The following HIP1 variants were observed in gnomAD, a reference collection of about 807,000 sequenced individuals.
HIP1 encodes huntingtin interacting protein 1.
In HIP1, 65 loss-of-function variants were observed where a neutral mutation model predicts 147.6. That is an observed-to-expected ratio of 0.44 (90% CI 0.36 to 0.54). HIP1 has a LOEUF of 0.54. Among genes scored for constraint, HIP1 ranks in the 20% least tolerant of loss-of-function variants. The probability of loss-of-function intolerance (pLI) is 0.00; values close to 1 mark genes in which losing one functional copy is unlikely to be tolerated. For missense variants in HIP1, 1,061 were observed against 1,299.6 expected (o/e 0.82, Z 2.82); for synonymous variants, 479 against 504.0 (o/e 0.95, Z 0.67).
At chr7:75,601,125 T>C (rs1167826747) in intron 1 of HIP1, among the ~76,000 whole-genome samples, 1 of 152,140 alleles carries the variant, frequency 6.6e-6, no homozygotes, top group Non-Finnish European at 1.5e-5. Flanking sequence ...GTTTGTTTTT[T>C]TTTTAAACAG....
intron 1 of HIP1, among the ~76,000 whole-genome samples, chr7:75,669,619 T>C (rs557221783): frequency 1.3e-5 from 2 of 152,208 alleles, no homozygotes; most frequent in Admixed American, 1.3e-4. Context: ...TCACTCTGTA[T>C]TCATCCTTCC....
chr7:75,556,975 C>T (rs1485772178), intron 16 of HIP1, among the ~76,000 whole-genome samples, 164 bp from the exon 17 acceptor site: 1 of 151,938 alleles, frequency 6.6e-6, no homozygotes, highest in African/African-American at 2.4e-5. Flanking sequence ...GAGGCAAGAC[C>T]CCAGAGTGTA....
intron 1 of HIP1, among the ~76,000 whole-genome samples, chr7:75,606,043 C>G (rs587652064): frequency 1.3e-5 from 2 of 152,068 alleles, no homozygotes; most frequent in South Asian, 4.2e-4. Flanking sequence ...GAGACGGGGT[C>G]TCATTATGTT....
At chr7:75,541,497 C>A (rs1350361886) in intron 29 of HIP1, among the ~76,000 whole-genome samples, 1 of 151,046 alleles carries the variant, frequency 6.6e-6, no homozygotes. Context: ...CACCACTGCA[C>A]TCCAGCCTGG....
intron 1 of HIP1, among the ~76,000 whole-genome samples, chr7:75,672,618 A>T (rs1422864575): frequency 6.6e-6 from 1 of 152,064 alleles, no homozygotes; most frequent in Non-Finnish European, 1.5e-5. Context: ...GTGAGCTACC[A>T]TACTTGGTCC....
intron 1 of HIP1, among the ~76,000 whole-genome samples, chr7:75,669,768 T>C (rs4731472): frequency 0.7 from 106,250 of 152,082 alleles, 37,451 homozygotes; most frequent in African/African-American, 0.78. Flanking sequence ...TTTCAATGTT[T>C]AAGCATGTTG....
chr7:75,646,631 C>T (rs1179598), intron 1 of HIP1, among the ~76,000 whole-genome samples: 2,707 of 152,332 alleles, frequency 0.018, 88 homozygotes, highest in African/African-American at 0.061. Context: ...CTTGCTTCCT[C>T]CCATATCCGT....
rs922321243 is a variant in HIP1, at chr7:75,690,287, C to T, written c.120+48514G>A. 5.9e-5 allele frequency among the ~76,000 whole-genome samples: 9 copies of T among 151,878 alleles called. 1 individual carries two copies. The highest frequency in any genetic ancestry group is 1.9e-4 in the African/African-American group (8 of 41,318). On this transcript the variant is annotated intron_variant, in intron 1 of 30. Transcript: ENST00000336926. ...AGACTTTGTCACACACACACACACA[C>T]ACACACAAAAGGTAAAGGACTTGAA... is the stretch of plus-strand genomic sequence containing the variant.
intron 1 of HIP1, among the ~76,000 whole-genome samples, chr7:75,716,083 C>G (rs1801309623): frequency 6.6e-6 from 1 of 152,120 alleles, no homozygotes; most frequent in Non-Finnish European, 1.5e-5. Flanking sequence ...ACACCTCCCA[C>G]TCGGTCCCAT....
intron 1 of HIP1, among the ~76,000 whole-genome samples, chr7:75,701,730 G>A (rs1800839094): frequency 6.6e-6 from 1 of 151,888 alleles, no homozygotes; most frequent in African/African-American, 2.4e-5. Flanking sequence ...GTGCACACCT[G>A]TAGTCCTAGC....
chr7:75,689,175 C>A (rs984051162), intron 1 of HIP1, among the ~76,000 whole-genome samples: 1 of 151,884 alleles, frequency 6.6e-6, no homozygotes, highest in Middle Eastern at 3.2e-3. Context: ...CATAGTGAGA[C>A]CCTATCTTTA....
At chr7:75,628,895 C>A (rs1798126558) in intron 1 of HIP1, among the ~76,000 whole-genome samples, 1 of 152,184 alleles carries the variant, frequency 6.6e-6, no homozygotes, top group Admixed American at 6.5e-5. Context: ...ACAATCTTCA[C>A]ATATACAGGG....
rs1177530280 is a variant in HIP1 at position 75,706,474 on chromosome 7, TTTTTTTTTA to T, written c.120+32318_120+32326del. Among the ~76,000 whole-genome samples, 26 of 14,444 alleles carry T rather than the reference TTTTTTTTTA, an allele frequency of 1.8e-3. 1 individual carries two copies. In the South Asian group the frequency reaches 0.019, roughly 10 times the overall value. The allele number at this position is 14,444 out of a possible 152,430, so 9.5% of individuals were successfully genotyped here. A position where few individuals can be genotyped will look rare whatever the true frequency, so the allele number is the denominator to read the frequency against. ...TTATTGGCCATTTGTATATATCTTC[TTTTTTTTTA>T]TTTTTTTTTTATTTTTTTATTTTTT... is the stretch of plus-strand genomic sequence containing the variant. On this transcript the variant is annotated intron_variant, in intron 1 of 30. Coordinates refer to ENST00000336926, the MANE Select transcript of HIP1 (RefSeq NM_005338.7).
intron 1 of HIP1, among the ~76,000 whole-genome samples, chr7:75,722,330 A>G (rs970243541): frequency 2.3e-4 from 35 of 152,138 alleles, no homozygotes; most frequent in Non-Finnish European, 4.4e-5. Context: ...AAAATAAAAA[A>G]TAGTAATAAC....
At chr7:75,620,808 G>C (rs1483643110) in intron 1 of HIP1, among the ~76,000 whole-genome samples, 2 of 152,054 alleles carry the variant, frequency 1.3e-5, no homozygotes, top group African/African-American at 4.8e-5. Flanking sequence ...TAAACAAATC[G>C]GATGGCGAGA....
At chr7:75,632,197 T>C (rs1798249276) in intron 1 of HIP1, among the ~76,000 whole-genome samples, 1 of 152,172 alleles carries the variant, frequency 6.6e-6, no homozygotes, top group Admixed American at 6.5e-5. Flanking sequence ...CTTTCAACTC[T>C]GTAAGCCTTT....
chr7:75,703,924 C>G (rs1800913617), intron 1 of HIP1, among the ~76,000 whole-genome samples: 1 of 152,064 alleles, frequency 6.6e-6, no homozygotes, highest in South Asian at 2.1e-4. Context: ...CCAGAGCTGC[C>G]GACCCGAAGC....
At chr7:75,583,095 G>A (rs1220142172) in intron 5 of HIP1, among the ~76,000 whole-genome samples, 1 of 151,982 alleles carries the variant, frequency 6.6e-6, no homozygotes, top group African/African-American at 2.4e-5. Flanking sequence ...GTCCTCTCCT[G>A]CCCTCAAGTC....
intron 12 of HIP1, among the ~76,000 whole-genome samples, 170 bp downstream of exon 12, chr7:75,561,903 T>TC (rs1795241186): frequency 6.6e-6 from 1 of 152,152 alleles, no homozygotes. Context: ...TACCTCATCC[T>TC]CCCCACATGT....
Sources: gnomAD v4.1 joint callset for allele counts (sites outside exome capture counted in the v4.1 genomes callset) on GRCh38, gnomAD v4.1.1 for gene constraint, MANE v1.5 for transcripts, NCBI Gene and HGNC (gene_info 2026-07-23, HGNC 2026-07-21) for gene names.